Variants in MALL observed in about 807,000 individuals in gnomAD.
MALL encodes mal, T cell differentiation protein like.
A neutral mutation model predicts 10.3 loss-of-function variants in MALL; 2 were observed. That is an observed-to-expected ratio of 0.19 (90% confidence interval 0.08 to 0.61). MALL has a LOEUF of 0.61. MALL is among the 20% of genes least tolerant of loss of function. The pLI is 0.88. For missense variants in MALL, 39 were observed against 115.2 expected, an observed-to-expected ratio of 0.34 and a Z score of 3.03; for synonymous variants, 27 against 51.8, an observed-to-expected ratio of 0.52 and a Z score of 2.05.
At chr2:110,105,062 T>C (rs899549857) in intron 1 of MALL, among the ~76,000 whole-genome samples, 1 of 152,186 alleles carries the variant, frequency 6.6e-6, no homozygotes, top group African/African-American at 2.4e-5. Flanking sequence ...ACAGCTGTCT[T>C]ATAGGATCCT....
chr2:110,102,233 C>T (rs1342408183), intron 1 of MALL, among the ~76,000 whole-genome samples: 1 of 152,162 alleles, frequency 6.6e-6, no homozygotes, highest in Non-Finnish European at 1.5e-5. Flanking sequence ...CTTGGCTCTC[C>T]CCAGCTGATC....
intron 1 of MALL, among the ~76,000 whole-genome samples, chr2:110,114,140 C>T (rs1030541267): frequency 3.2e-4 from 49 of 152,096 alleles, no homozygotes; most frequent in Non-Finnish European, 6.2e-4. Context: ...CTCTAGCCTC[C>T]TTCCAGGACT....
intron 1 of MALL, among the ~76,000 whole-genome samples, chr2:110,103,564 T>C (rs544052195): frequency 6.5e-4 from 99 of 152,304 alleles, no homozygotes; most frequent in African/African-American, 2.3e-3. Flanking sequence ...AGACAGCTCC[T>C]GGGAATGGCG....
At chr2:110,114,221 C>A (rs1442502799) in intron 1 of MALL, among the ~76,000 whole-genome samples, 6 of 152,244 alleles carry the variant, frequency 3.9e-5, no homozygotes, top group African/African-American at 1.4e-4. Flanking sequence ...TGAGGTCCAA[C>A]TCTTGGTGGC....
At chr2:110,109,940 A>G (rs1176237688) in intron 1 of MALL, among the ~76,000 whole-genome samples, 1 of 152,186 alleles carries the variant, frequency 6.6e-6, no homozygotes, top group Non-Finnish European at 1.5e-5. Context: ...ATTCAAATAC[A>G]TGGAAATTAA....
chr2:110,105,125 T>C (rs1013014769), intron 1 of MALL, among the ~76,000 whole-genome samples: 41 of 152,094 alleles, frequency 2.7e-4, no homozygotes, highest in African/African-American at 9.9e-4. Context: ...CGGCTGAGAG[T>C]GATGAAGTAA....
At chr2:110,103,253 G>A (rs1381488788) in intron 1 of MALL, among the ~76,000 whole-genome samples, 3 of 152,088 alleles carry the variant, frequency 2.0e-5, no homozygotes, top group Non-Finnish European at 4.4e-5. Context: ...CAATGGAGTG[G>A]GGCCTGTGTG....
intron 1 of MALL, among the ~76,000 whole-genome samples, chr2:110,103,104 C>A (rs1212487046): frequency 6.6e-6 from 1 of 152,128 alleles, no homozygotes; most frequent in East Asian, 1.9e-4. Flanking sequence ...GATATCCGGC[C>A]CCTCTGGATG....
At chr2:110,109,006 T>C (rs1036201414) in intron 1 of MALL, among the ~76,000 whole-genome samples, 1 of 152,082 alleles carries the variant, frequency 6.6e-6, no homozygotes, top group African/African-American at 2.4e-5. Context: ...GAATTTGCCA[T>C]TACCAAAACA....
intron 1 of MALL, among the ~76,000 whole-genome samples, chr2:110,100,595 C>T (rs892963825): frequency 6.6e-6 from 1 of 152,144 alleles, no homozygotes; most frequent in African/African-American, 2.4e-5. Flanking sequence ...CCCACACCCG[C>T]CTGTAGTGTA....
At chr2:110,092,603 T>C (rs1197495485) in intron 1 of MALL, among the ~76,000 whole-genome samples, 3 of 85,294 alleles carry the variant, frequency 3.5e-5, no homozygotes, top group Non-Finnish European at 8.5e-5. Context: ...ATGTTTTTTA[T>C]CAAGTTTAAG....
chr2:110,110,116 T>C (rs544114285), intron 1 of MALL, among the ~76,000 whole-genome samples: 2 of 151,976 alleles, frequency 1.3e-5, no homozygotes, highest in East Asian at 3.9e-4. Context: ...CATCAAAAAG[T>C]CTGAAAGAGC....
In MALL at chr2:110,091,785, C is replaced by T. The variant is rs1380618218; in HGVS notation, c.106-15G>A. On this transcript the variant is annotated splice_polypyrimidine_tract_variant and intron_variant, in intron 1 of 3. Transcript: ENST00000272462. ...AACCCAAATATCTGGAAGATAAAAG[C>T]ATAAAAGAAGGGGCTTCATTAGCTA... The T allele has an allele frequency of 6.5e-7, 1 of 1,537,490 alleles. No individual in the cohort carries two copies. Among genetic ancestry groups the T allele is most frequent in the Admixed American group, 2.2e-5 (1 of 46,076 alleles).
chr2:110,099,749 C>G (rs1445145254), intron 1 of MALL, among the ~76,000 whole-genome samples: 3 of 152,098 alleles, frequency 2.0e-5, no homozygotes, highest in Non-Finnish European at 2.9e-5. Flanking sequence ...GAAGGGGGCA[C>G]AGGGCACAAT....
At chr2:110,098,876 C>A (rs1678502713) in intron 1 of MALL, among the ~76,000 whole-genome samples, 1 of 152,092 alleles carries the variant, frequency 6.6e-6, no homozygotes. Flanking sequence ...GTGGCACATG[C>A]CTGTAGTCTC....
intron 1 of MALL, among the ~76,000 whole-genome samples, chr2:110,097,916 AAACTTC>A (rs1559029977): frequency 4.6e-5 from 7 of 152,174 alleles, no homozygotes; most frequent in Middle Eastern, 3.4e-3. Flanking sequence ...AAAGCCTAAA[AAACTTC>A]AGGCTGAGAG....
chr2:110,117,645 GAGAGAGAGAGAA>G (rs1195999342), upstream of MALL, among the ~76,000 whole-genome samples: 2 of 150,026 alleles, frequency 1.3e-5, no homozygotes, highest in Non-Finnish European at 3.0e-5. Flanking sequence ...GAGAGAGAGA[GAGAGAGAGAGAA>G]ACACAAATGT....
At chr2:110,117,461 T>C (rs534746222), upstream of MALL, among the ~76,000 whole-genome samples, 2 of 152,236 alleles carry the variant, frequency 1.3e-5, no homozygotes, top group East Asian at 3.9e-4. Flanking sequence ...CATTTCCACC[T>C]TCTGAAGCAA....
intron 1 of MALL, chr2:110,097,671 C>G (rs1574031125): frequency 2.6e-6 from 1 of 378,612 alleles, no homozygotes; most frequent in South Asian, 1.9e-5. Context: ...GGGCTCTGGG[C>G]TGTGGCTGGG....
Sources: allele counts gnomAD v4.1 joint callset (sites outside exome capture counted in the v4.1 genomes callset), GRCh38; gene constraint gnomAD v4.1.1; transcripts MANE v1.5; gene names NCBI Gene and HGNC (gene_info 2026-07-23, HGNC 2026-07-21).